The following DLGAP2 variants were observed in gnomAD, a reference collection of about 807,000 sequenced individuals.
The protein encoded by DLGAP2 is DLG associated protein 2.
A neutral mutation model predicts 100.3 loss-of-function variants in DLGAP2; 26 were observed. That is an observed-to-expected ratio of 0.26 (90% CI 0.19 to 0.36). The LOEUF (loss-of-function observed/expected upper bound fraction) is 0.36, where lower values mean the gene tolerates loss of function less well. Among genes scored for constraint, DLGAP2 ranks in the 10% least tolerant of loss-of-function variants. The pLI is 1.00. For synonymous variants in DLGAP2, 886 were observed against 630.1 expected, an observed-to-expected ratio of 1.41 and a Z score of -6.08; for missense variants, 1,858 against 1,453.2, an observed-to-expected ratio of 1.28 and a Z score of -4.53.
intron 1 of DLGAP2, among the ~76,000 whole-genome samples, chr8:757,633 C>T (rs971239957): frequency 1.8e-4 from 28 of 152,144 alleles, no homozygotes; most frequent in African/African-American, 6.8e-4. Context: ...CTGTGTGGTC[C>T]ACAGGCGGGC....
intron 4 of DLGAP2, among the ~76,000 whole-genome samples, chr8:1,547,939 C>G (rs1801598658): frequency 6.6e-6 from 1 of 152,202 alleles, no homozygotes; most frequent in African/African-American, 2.4e-5. Context: ...TAGACAATAT[C>G]ACCCATCAAG....
Position 1,180,326 on chromosome 8 carries a change from C to T in DLGAP2, c.74-78525C>T, listed in dbSNP as rs78534808. 1.1e-4 allele frequency among the ~76,000 whole-genome samples: 16 copies of T among 152,326 alleles called. No individual in the cohort carries two copies. The East Asian group carries it at 2.5e-3, about 24-fold the overall frequency. On this transcript the variant is annotated intron_variant, in intron 2 of 14. Transcript: ENST00000637795. ...CAGAGCGTTCCCTCCTGCCAAATCC[C>T]AGTTACACCCTGGCCACCAGAAGCA... is the stretch of plus-strand genomic sequence containing the variant.
intron 3 of DLGAP2, among the ~76,000 whole-genome samples, chr8:1,423,698 A>C (rs2129946130): frequency 6.6e-6 from 1 of 152,280 alleles, no homozygotes; most frequent in South Asian, 2.1e-4. Flanking sequence ...AGCTGCTAAC[A>C]CCATTGACAG....
At position 1,692,726 on chromosome 8, in the gene DLGAP2, C is replaced by A. The variant is rs551634029; in HGVS notation, c.2796+1100C>A. 3.3e-5 allele frequency among the ~76,000 whole-genome samples: 5 copies of A among 152,050 alleles called. No homozygotes were observed. In the South Asian group the frequency reaches 8.3e-4, roughly 25 times the overall value. ...AGAAGAGATTTTGCAAATAATTTAG[C>A]CTTTGTATTTTATAGTCGGTAGTGA... On this transcript the variant is annotated intron_variant, in intron 13 of 14. Transcript: ENST00000637795.
intron 2 of DLGAP2, among the ~76,000 whole-genome samples, chr8:946,886 C>T (rs1277106076): frequency 2.0e-5 from 3 of 152,218 alleles, no homozygotes; most frequent in Non-Finnish European, 4.4e-5. Context: ...CTTCGTAGCA[C>T]AGTCTGTGCA....
Position 1,593,378 on chromosome 8 carries a change from C to A in DLGAP2, c.1442+27484C>A, listed in dbSNP as rs867782150. ...GCTGAGGCAGGAGAATCACGTGAACCCAGGAGGCGGAGCTTGCAGTGAGCC... is the reference window on the plus strand; with the variant it reads ...GCTGAGGCAGGAGAATCACGTGAACACAGGAGGCGGAGCTTGCAGTGAGCC... On this transcript the variant is annotated intron_variant, in intron 6 of 14. Transcript: ENST00000637795. 2.6e-5 allele frequency among the ~76,000 whole-genome samples: 4 copies of A among 151,958 alleles called. No homozygotes were observed. In the South Asian group the frequency reaches 8.3e-4, roughly 32 times the overall value.
chr8:1,525,905 A>G (rs1351856901), intron 4 of DLGAP2, among the ~76,000 whole-genome samples: 17 of 152,114 alleles, frequency 1.1e-4, no homozygotes, highest in Non-Finnish European at 2.5e-4. Flanking sequence ...AAGTGGATTT[A>G]TGCTGCAGGC....
intron 3 of DLGAP2, among the ~76,000 whole-genome samples, chr8:1,474,829 C>G (rs1174405224): frequency 6.6e-6 from 1 of 152,184 alleles, no homozygotes; most frequent in African/African-American, 2.4e-5. Flanking sequence ...TTGTAGATTT[C>G]TCAAAGAACT....
chr8:812,869 A>G (rs1184767336), intron 1 of DLGAP2, among the ~76,000 whole-genome samples: 3 of 152,362 alleles, frequency 2.0e-5, no homozygotes, highest in African/African-American at 7.2e-5. Flanking sequence ...ATGCACCCAT[A>G]GTAAAATTCC....
At chr8:1,440,187 A>G (rs934365078) in intron 3 of DLGAP2, among the ~76,000 whole-genome samples, 1 of 152,332 alleles carries the variant, frequency 6.6e-6, no homozygotes, top group Admixed American at 6.5e-5. Context: ...CCCTGATACA[A>G]CTTCCACCAA....
chr8:1,047,268 C>G (rs1802542108), intron 2 of DLGAP2, among the ~76,000 whole-genome samples: 2 of 152,216 alleles, frequency 1.3e-5, no homozygotes, highest in South Asian at 4.1e-4. Context: ...GTTTCTTTCA[C>G]TTAGCAAGGT....
intron 2 of DLGAP2, among the ~76,000 whole-genome samples, chr8:1,150,417 C>T (rs1478485863): frequency 6.6e-6 from 1 of 152,200 alleles, no homozygotes; most frequent in Non-Finnish European, 1.5e-5. Context: ...AAAAGTTTTA[C>T]CCTGCTGTCC....
At chr8:1,206,704 G>A (rs144840834) in intron 2 of DLGAP2, among the ~76,000 whole-genome samples, 3 of 151,786 alleles carry the variant, frequency 2.0e-5, no homozygotes, top group Admixed American at 6.5e-5. Context: ...CTGGTCTCCC[G>A]AGCGCCTGGC....
rs768382902 is a variant in DLGAP2 at position 1,701,286 on chromosome 8, C to G, written c.3048C>G (p.Arg1016=). 1.0e-5 allele frequency: 16 copies of G among 1,584,794 alleles called. No individual in the cohort carries two copies. Among genetic ancestry groups the G allele is most frequent in the Non-Finnish European group, 3.4e-6 (4 of 1,166,338 alleles). Residue 1016 remains arginine, a synonymous_variant, in exon 15 of 15, where the codon CGC becomes CGG. Coordinates refer to ENST00000637795, the MANE Select transcript of DLGAP2 (RefSeq NM_001346810.2). Reference sequence around the variant, plus strand: ...CCCTGGACCTGCCCGACAGACAACGCCAGGAAGCCCGGAGGCGCCTCATGG... The same window carrying G: ...CCCTGGACCTGCCCGACAGACAACGGCAGGAAGCCCGGAGGCGCCTCATGG... ...EKSLDLPDRQ[R]QEARRRLMAA... is the part of the protein sequence containing the mutation.
At position 1,320,359 on chromosome 8, in the gene DLGAP2, G is replaced by T. The variant is rs78505162; in HGVS notation, c.106+61476G>T. Among the ~76,000 whole-genome samples, 1,038 of 152,176 alleles carry T rather than the reference G, an allele frequency of 6.8e-3. 18 individuals carry two copies. The highest frequency in any genetic ancestry group is 0.024 in the African/African-American group (994 of 41,520). ...GGCCAGGACTCGAGGGAACCGTAGC[G>T]TCGCATCCTACAGATGACACTGAAC... On this transcript the variant is annotated intron_variant, in intron 3 of 14. Coordinates refer to ENST00000637795, the MANE Select transcript of DLGAP2 (RefSeq NM_001346810.2).
intron 2 of DLGAP2, among the ~76,000 whole-genome samples, chr8:1,037,507 G>C (rs1009852041): frequency 6.6e-6 from 1 of 152,068 alleles, no homozygotes; most frequent in African/African-American, 2.4e-5. Flanking sequence ...TCACCTGTCC[G>C]AGGGACGGAG....
At chr8:1,271,745 A>G (rs73535679) in intron 3 of DLGAP2, among the ~76,000 whole-genome samples, 2,671 of 152,314 alleles carry the variant, frequency 0.018, 76 homozygotes, top group African/African-American at 0.061. Flanking sequence ...GAAGGCTACA[A>G]ACTTGTTGTT....
At chr8:1,516,884 T>C (rs1800412114) in intron 4 of DLGAP2, among the ~76,000 whole-genome samples, 2 of 152,214 alleles carry the variant, frequency 1.3e-5, no homozygotes. Flanking sequence ...TCCCTACAGC[T>C]TCAAGAGGAT....
At chr8:1,215,369 C>T (rs944656175) in intron 2 of DLGAP2, among the ~76,000 whole-genome samples, 2 of 152,196 alleles carry the variant, frequency 1.3e-5, no homozygotes, top group African/African-American at 2.4e-5. Context: ...TAAAGCTAAT[C>T]GTGCAGGTTG....
Sources: allele counts gnomAD v4.1 joint callset (sites outside exome capture counted in the v4.1 genomes callset), GRCh38; gene constraint gnomAD v4.1.1; transcripts MANE v1.5; gene names NCBI Gene and HGNC (gene_info 2026-07-23, HGNC 2026-07-21).